XPR1: variants seen among roughly 807,000 people sequenced by gnomAD.
XPR1 encodes the protein xenotropic and polytropic retrovirus receptor 1, also known as solute carrier family 53 member 1.
In XPR1, 28 loss-of-function variants were observed where a neutral mutation model predicts 87.5. The ratio of observed to expected loss-of-function variants is 0.32; its 90% CI spans 0.24 to 0.44. The LOEUF (loss-of-function observed/expected upper bound fraction) is 0.44. Among genes scored for constraint, XPR1 ranks in the 20% least tolerant of loss-of-function variants. The pLI, the probability that XPR1 is intolerant of heterozygous loss-of-function variation, is 1.00. For missense variants in XPR1, 559 were observed against 862.3 expected (o/e 0.65, Z 4.41); for synonymous variants, 300 against 306.1 (o/e 0.98, Z 0.21).
In XPR1 at chr1:180,825,532, C is replaced by G. The variant is rs553430777; in HGVS notation, c.1134+188C>G. On this transcript the variant is annotated intron_variant, in intron 9 of 14. Coordinates refer to ENST00000367590, the MANE Select transcript of XPR1 (RefSeq NM_004736.4). Reference sequence around the variant, plus strand: ...CCTCCTGAGATCGAGTATCAGGTGGCCAAATATTGAGATGATTTTGTAAAT... The same window carrying G: ...CCTCCTGAGATCGAGTATCAGGTGGGCAAATATTGAGATGATTTTGTAAAT... 8.5e-5 allele frequency among the ~76,000 whole-genome samples: 13 copies of G among 152,122 alleles called. No individual in the cohort carries two copies. The East Asian group carries it at 2.5e-3, about 29-fold the overall frequency.
intron 11 of XPR1, among the ~76,000 whole-genome samples, chr1:180,853,804 T>TTG (rs1651949637): frequency 1.3e-5 from 2 of 150,934 alleles, no homozygotes; most frequent in African/African-American, 4.9e-5. Context: ...TTTTTTTTTT[T>TTG]TTTTTTGTAT....
chr1:180,644,081 C>T lies in XPR1; in HGVS notation c.69+11811C>T, dbSNP rs144270269. On this transcript the variant is annotated intron_variant, in intron 1 of 14. Transcript: ENST00000367590. ...TCACATGGGAGTGATGTGTAAACATCTGGGTGGCAAATTACTAATTTACAA... is the reference window on the plus strand; with the variant it reads ...TCACATGGGAGTGATGTGTAAACATTTGGGTGGCAAATTACTAATTTACAA... 2.7e-3 allele frequency among the ~76,000 whole-genome samples: 404 copies of T among 152,236 alleles called. 2 individuals carry two copies. Among genetic ancestry groups the T allele is most frequent in the African/African-American group, 9.3e-3 (386 of 41,556 alleles).
intron 2 of XPR1, among the ~76,000 whole-genome samples, chr1:180,720,948 A>G (rs545768853): frequency 6.6e-6 from 1 of 152,250 alleles, no homozygotes; most frequent in East Asian, 1.9e-4. Flanking sequence ...TCAAATTTAG[A>G]AGGAGGCCAG....
chr1:180,685,929 A>G (rs1378277679), intron 2 of XPR1, among the ~76,000 whole-genome samples: 1 of 152,016 alleles, frequency 6.6e-6, no homozygotes, highest in Non-Finnish European at 1.5e-5. Context: ...TGATCTTTTC[A>G]AAAAACCAGC....
At chr1:180,826,810 CAT>C (rs1308788218) in intron 9 of XPR1, among the ~76,000 whole-genome samples, 2 of 151,952 alleles carry the variant, frequency 1.3e-5, no homozygotes, top group African/African-American at 4.8e-5. Context: ...CTTAGCCAAA[CAT>C]AACAATTTTT....
intron 2 of XPR1, among the ~76,000 whole-genome samples, chr1:180,765,088 A>T (rs1363537833): frequency 2.0e-5 from 3 of 152,100 alleles, no homozygotes; most frequent in African/African-American, 7.2e-5. Flanking sequence ...CTCGGCCCTT[A>T]TGGATAATTT....
At chr1:180,710,566 T>G (rs1173969751) in intron 2 of XPR1, among the ~76,000 whole-genome samples, 1 of 152,178 alleles carries the variant, frequency 6.6e-6, no homozygotes, top group Non-Finnish European at 1.5e-5. Flanking sequence ...TTTTTCTTAG[T>G]ACAGAACAAA....
chr1:180,862,978 A>G (rs914690763), intron 11 of XPR1, among the ~76,000 whole-genome samples: 7 of 152,108 alleles, frequency 4.6e-5, no homozygotes, highest in Non-Finnish European at 1.0e-4. Flanking sequence ...TTGTATAACT[A>G]TATTTGTGAA....
rs1245959144 is a variant in XPR1 at position 180,886,717 on chromosome 1, A to G, written c.*2651A>G. ...GAAAAGAGGACTTTTCCTCATCAAG[A>G]GAGCTTGGGAGACAAAGCATACATT... On this transcript the variant is annotated 3_prime_UTR_variant, in exon 15 of 15. Coordinates refer to ENST00000367590, the MANE Select transcript of XPR1 (RefSeq NM_004736.4). 6.6e-6 allele frequency: 1 copy of G among 152,236 alleles called. No individual in the cohort carries two copies. The highest frequency in any genetic ancestry group is 1.5e-5 in the Non-Finnish European group (1 of 68,052). 9.4% of individuals were successfully genotyped at this position (152,236 alleles called of 1,614,324 possible). A position where few individuals can be genotyped will look rare whatever the true frequency, so the allele number is the denominator to read the frequency against.
intron 2 of XPR1, among the ~76,000 whole-genome samples, chr1:180,760,514 A>G (rs1557994296): frequency 6.6e-6 from 1 of 152,204 alleles, no homozygotes; most frequent in Non-Finnish European, 1.5e-5. Flanking sequence ...TCCATTCACC[A>G]TTGCTTCAAA....
intron 7 of XPR1, among the ~76,000 whole-genome samples, chr1:180,813,388 C>T (rs1321838122): frequency 1.3e-5 from 2 of 152,180 alleles, no homozygotes; most frequent in Non-Finnish European, 2.9e-5. Context: ...GATCACCCAA[C>T]CCTAAAATAA....
chr1:180,872,713 G>C (rs1652541874), intron 12 of XPR1, among the ~76,000 whole-genome samples: 1 of 144,812 alleles, frequency 6.9e-6, no homozygotes, highest in Non-Finnish European at 1.5e-5. Context: ...TGCGCCCACT[G>C]TCTGGCACTC....
At chr1:180,812,935 C>T (rs1213083254) in intron 7 of XPR1, among the ~76,000 whole-genome samples, 1 of 152,052 alleles carries the variant, frequency 6.6e-6, no homozygotes, top group African/African-American at 2.4e-5. Context: ...AGGCATGAGC[C>T]ACCGCGCCCG....
chr1:180,745,825 T>G (rs534209021), intron 2 of XPR1, among the ~76,000 whole-genome samples: 41 of 152,342 alleles, frequency 2.7e-4, no homozygotes, highest in Non-Finnish European at 4.4e-4. Context: ...TTCACATAGT[T>G]GCTGCATACA....
At chr1:180,836,419 T>C (rs1039160740) in intron 10 of XPR1, 103 bp from the exon 11 acceptor site, 18 of 1,214,882 alleles carry the variant, frequency 1.5e-5, no homozygotes, top group Admixed American at 1.2e-4. Context: ...TTCTGAAGGT[T>C]TTTTGCTTTT....
chr1:180,743,798 T>G (rs917367904), intron 2 of XPR1, among the ~76,000 whole-genome samples: 7 of 152,202 alleles, frequency 4.6e-5, no homozygotes, highest in African/African-American at 1.7e-4. Flanking sequence ...TTGTTGCACT[T>G]TAAAAATTTT....
intron 2 of XPR1, among the ~76,000 whole-genome samples, chr1:180,747,572 A>T (rs182242831): frequency 1.3e-5 from 2 of 152,320 alleles, no homozygotes; most frequent in East Asian, 3.9e-4. Flanking sequence ...TGATAAGTTG[A>T]TTGGAATTTA....
intron 1 of XPR1, among the ~76,000 whole-genome samples, chr1:180,661,562 T>C (rs1342245440): frequency 6.6e-6 from 1 of 151,500 alleles, no homozygotes; most frequent in East Asian, 1.9e-4. Context: ...TTGTAAATAT[T>C]ATCTAATAAC....
chr1:180,672,522 A>T (rs770942497), intron 1 of XPR1, among the ~76,000 whole-genome samples: 13 of 152,184 alleles, frequency 8.5e-5, no homozygotes, highest in Non-Finnish European at 1.9e-4. Context: ...TATAGTACAC[A>T]TGAGAATGCT....
Sources: gnomAD v4.1 joint callset for allele counts (sites outside exome capture counted in the v4.1 genomes callset) on GRCh38, gnomAD v4.1.1 for gene constraint, MANE v1.5 for transcripts, NCBI Gene and HGNC (gene_info 2026-07-23, HGNC 2026-07-21) for gene names.